Variants in DOCK5 observed in about 807,000 individuals in gnomAD.
DOCK5 encodes dedicator of cytokinesis 5.
A neutral mutation model predicts 251.8 loss-of-function variants in DOCK5; 142 were observed. The ratio of observed to expected loss-of-function variants is 0.56; its 90% CI spans 0.49 to 0.65. The LOEUF (loss-of-function observed/expected upper bound fraction) is 0.65, where lower values mean the gene tolerates loss of function less well. DOCK5 is among the 30% of genes least tolerant of loss of function. The pLI, the probability that DOCK5 is intolerant of heterozygous loss-of-function variation, is 0.00. For synonymous variants in DOCK5, 842 were observed against 835.5 expected, an observed-to-expected ratio of 1.01 and a Z score of -0.13; for missense variants, 2,111 against 2,312.3, an observed-to-expected ratio of 0.91 and a Z score of 1.79.
chr8:25,318,875 A>G (rs1183656502), intron 14 of DOCK5, among the ~76,000 whole-genome samples: 1 of 152,152 alleles, frequency 6.6e-6, no homozygotes, highest in Non-Finnish European at 1.5e-5. Flanking sequence ...ATCACTTGCC[A>G]TGGATGTTAT....
At chr8:25,402,828 C>G (rs181516299) in intron 47 of DOCK5, among the ~76,000 whole-genome samples, 1 of 152,134 alleles carries the variant, frequency 6.6e-6, no homozygotes, top group South Asian at 2.1e-4. Context: ...GCTCTTTTCT[C>G]CCCCATTCCT....
At chr8:25,200,901 T>TTTCTTCTTC (rs145629044) in intron 1 of DOCK5, among the ~76,000 whole-genome samples, 3 of 151,388 alleles carry the variant, frequency 2.0e-5, no homozygotes, top group Non-Finnish European at 4.4e-5. Context: ...TAAATGGCTA[T>TTTCTTCTTC]TTCTTCTTCT....
intron 1 of DOCK5, among the ~76,000 whole-genome samples, chr8:25,216,196 TATACAATATGTGC>T (rs1370818813): frequency 5.5e-5 from 8 of 145,552 alleles, no homozygotes; most frequent in African/African-American, 1.5e-4. Context: ...TGTATATATG[TATACAATATGTGC>T]ATACAATATG....
In DOCK5 at chr8:25,414,358, C is replaced by G. The variant is rs774729674; in HGVS notation, c.*3060C>G. The G allele has an allele frequency of 6.6e-6, 1 of 152,170 alleles. No homozygotes were observed. The highest frequency in any genetic ancestry group is 1.5e-5 in the Non-Finnish European group (1 of 68,062). The allele number at this position is 152,170 out of a possible 1,614,324, so 9.4% of individuals were successfully genotyped here. On this transcript the variant is annotated 3_prime_UTR_variant, in exon 52 of 52. Transcript: ENST00000276440. The stretch of plus-strand genomic sequence containing the variant: ...GAAAATGAAACCCTAAAGAAGACTG[C>G]TGGGCCATGAGTTGCTTCCTCCTCC...
intron 11 of DOCK5, among the ~76,000 whole-genome samples, chr8:25,306,892 C>G (rs564916557): frequency 6.0e-4 from 92 of 152,148 alleles, no homozygotes; most frequent in African/African-American, 2.2e-3. Flanking sequence ...CTTACACAAA[C>G]CCGGAATATA....
At chr8:25,287,886 CT>C (rs397892746) in intron 5 of DOCK5, among the ~76,000 whole-genome samples, 2,986 of 138,782 alleles carry the variant, frequency 0.022, 74 homozygotes, top group African/African-American at 0.061. Flanking sequence ...AGCATATGCT[CT>C]TTTTTTTTTT....
rs1385733486 is a variant in DOCK5, at chr8:25,336,408, C to T, written c.2327+35C>T. 3.1e-6 allele frequency: 5 copies of T among 1,605,382 alleles called. No homozygotes were observed. In the African/African-American group the frequency reaches 4.0e-5, roughly 13 times the overall value. ...ACTGCAGTGAAGATGTTTAGATTAT[C>T]AGCTGTCACTCTGTGTGCTTTTTCC... On this transcript the variant is annotated intron_variant, in intron 22 of 51. Transcript: ENST00000276440.
chr8:25,328,356 G>C (rs1805609705), intron 18 of DOCK5, among the ~76,000 whole-genome samples: 1 of 152,244 alleles, frequency 6.6e-6, no homozygotes. Flanking sequence ...GAGGGAACAG[G>C]GTACAGAGAG....
At chr8:25,324,100 G>GTTT in intron 17 of DOCK5, 149 bp downstream of exon 17, 3 of 893,090 alleles carry the variant, frequency 3.4e-6, no homozygotes, top group Non-Finnish European at 5.0e-6. Context: ...AGGGCTCTGG[G>GTTT]CCCTCCAGCT....
Position 25,412,077 on chromosome 8 carries a change from G to GA in DOCK5, c.*779_*780insA, listed in dbSNP as rs1801640403. On this transcript the variant is annotated 3_prime_UTR_variant, in exon 52 of 52. Transcript: ENST00000276440. ...TGAAGCTCTTCCTTTTGCACATACGGCTTTTTTTTTTTTTTTTTTTTTTTG... is the reference window on the plus strand; with the variant it reads ...TGAAGCTCTTCCTTTTGCACATACGGACTTTTTTTTTTTTTTTTTTTTTTTG... 1 of 85,636 alleles carries GA rather than the reference G, an allele frequency of 1.2e-5. No homozygotes were observed. Among genetic ancestry groups the GA allele is most frequent in the Non-Finnish European group, 2.3e-5 (1 of 43,870 alleles). 5.3% of individuals were successfully genotyped at this position (85,636 alleles called of 1,614,324 possible).
chr8:25,383,228 A>G (rs1801102239), intron 40 of DOCK5, among the ~76,000 whole-genome samples: 1 of 152,236 alleles, frequency 6.6e-6, no homozygotes, highest in Non-Finnish European at 1.5e-5. Flanking sequence ...ATTGTGTATA[A>G]TGCGATATTC....
rs1213807051 is a variant in DOCK5, at chr8:25,227,352, AG to A, written c.44-16321del. On this transcript the variant is annotated intron_variant, in intron 1 of 51. Transcript: ENST00000276440. ...TTGCATTTTTTTTGGATGTGATAAAAGATAGGGAGTCTAATTTTGTTTTTTT... is the reference window on the plus strand; with the variant it reads ...TTGCATTTTTTTTGGATGTGATAAAAATAGGGAGTCTAATTTTGTTTTTTT... 2.0e-5 allele frequency among the ~76,000 whole-genome samples: 3 copies of A among 150,550 alleles called. No homozygotes were observed. In the East Asian group the frequency reaches 6.1e-4, roughly 30 times the overall value.
Position 25,291,909 on chromosome 8 carries a change from C to G in DOCK5, c.322-115C>G, listed in dbSNP as rs1175224403. 3 of 914,968 alleles carry G rather than the reference C, an allele frequency of 3.3e-6. No homozygotes were observed. In the African/African-American group the frequency reaches 5.1e-5, roughly 16 times the overall value. The allele number at this position is 914,968 out of a possible 1,614,324, so 56.7% of individuals were successfully genotyped here. On this transcript the variant is annotated intron_variant, in intron 5 of 51. Transcript: ENST00000276440. ...AAAAAAGAATCGGCCAAAAGATGTT[C>G]CCTCTCATCTGTCTGACATTCCCGT...
rs1801671936 is a variant in DOCK5, at chr8:25,413,988, G to T, written c.*2690G>T. The T allele has an allele frequency of 1.3e-5, 2 of 152,110 alleles. No individual in the cohort carries two copies. Among genetic ancestry groups the T allele is most frequent in the Admixed American group, 6.5e-5 (1 of 15,274 alleles). 9.4% of individuals were successfully genotyped at this position (152,110 alleles called of 1,614,324 possible). A position where few individuals can be genotyped will look rare whatever the true frequency, so the allele number is the denominator to read the frequency against. Reference sequence around the variant, plus strand: ...GAGATAAGGAGCAAGGAGGAAAAAAGAGAAAGAATTGGTCTTTATTTTTCT... The same window carrying T: ...GAGATAAGGAGCAAGGAGGAAAAAATAGAAAGAATTGGTCTTTATTTTTCT... On this transcript the variant is annotated 3_prime_UTR_variant, in exon 52 of 52. Transcript: ENST00000276440.
At chr8:25,254,773 CAAAAAAAAACAAAACAAAACA>C (rs1803368699) in intron 2 of DOCK5, among the ~76,000 whole-genome samples, 1 of 6,560 alleles carries the variant, frequency 1.5e-4, no homozygotes, top group Admixed American at 3.8e-3. Context: ...GACTTTGTCT[CAAAAAAAAACAAAACAAAACA>C]AAAAAAAAAA....
chr8:25,207,539 A>G (rs1312288538), intron 1 of DOCK5, among the ~76,000 whole-genome samples: 1 of 152,224 alleles, frequency 6.6e-6, no homozygotes, highest in Non-Finnish European at 1.5e-5. Context: ...GAGGGCCCTT[A>G]ACAATTATGC....
chr8:25,309,041 G>A, intron 12 of DOCK5, 116 bp downstream of exon 12: 1 of 1,393,922 alleles, frequency 7.2e-7, no homozygotes, highest in Non-Finnish European at 9.5e-7. Flanking sequence ...AGCCTCTGCT[G>A]GGGACCATCC....
intron 27 of DOCK5, among the ~76,000 whole-genome samples, chr8:25,357,434 A>G (rs1800596990): frequency 1.5e-5 from 2 of 133,634 alleles, no homozygotes; most frequent in African/African-American, 5.7e-5. Context: ...GCTGGAGTGC[A>G]GTGGCAGAAT....
rs1252806056 is a variant in DOCK5, at chr8:25,415,549, T to C, written c.*4251T>C. The C allele has an allele frequency of 6.6e-6, 1 of 152,258 alleles. No homozygotes were observed. Among genetic ancestry groups the C allele is most frequent in the Non-Finnish European group, 1.5e-5 (1 of 68,042 alleles). 9.4% of individuals were successfully genotyped at this position (152,258 alleles called of 1,614,324 possible). On this transcript the variant is annotated 3_prime_UTR_variant, in exon 52 of 52. Coordinates refer to ENST00000276440, the MANE Select transcript of DOCK5 (RefSeq NM_024940.8). ...CTCATCTACTATTAGCCATATTTTGTGAGTCGTTTGTCTAAACTTTGTCAA... is the reference window on the plus strand; with the variant it reads ...CTCATCTACTATTAGCCATATTTTGCGAGTCGTTTGTCTAAACTTTGTCAA...
Sources: allele counts gnomAD v4.1 joint callset (sites outside exome capture counted in the v4.1 genomes callset), GRCh38; gene constraint gnomAD v4.1.1; transcripts MANE v1.5; gene names NCBI Gene and HGNC (gene_info 2026-07-23, HGNC 2026-07-21).